The following PLEKHA6 variants were observed in gnomAD, a reference collection of about 807,000 sequenced individuals.
The protein encoded by PLEKHA6 is pleckstrin homology domain-containing family A member 6.
PLEKHA6 carries 60 observed loss-of-function variants against 116.7 expected under a neutral mutation model. The observed-to-expected ratio is 0.51, with a 90% CI of 0.42 to 0.64. PLEKHA6 has a LOEUF of 0.64. PLEKHA6 is among the 30% of genes least tolerant of loss of function. The pLI is 0.00. For synonymous variants in PLEKHA6, 489 were observed against 556.1 expected (o/e 0.88, Z 1.70); for missense variants, 1,338 against 1,422.7 (o/e 0.94, Z 0.96).
chr1:204,318,152 G>A (rs1287927241), intron 1 of PLEKHA6, among the ~76,000 whole-genome samples: 3 of 152,198 alleles, frequency 2.0e-5, no homozygotes, highest in Non-Finnish European at 2.9e-5. Flanking sequence ...AAGACAATCT[G>A]TTCTTGGAGT....
intron 16 of PLEKHA6, 60 bp from the exon 17 acceptor site, chr1:204,241,541 T>C (rs1662820758): frequency 1.4e-6 from 2 of 1,416,910 alleles, no homozygotes; most frequent in Non-Finnish European, 1.9e-6. Flanking sequence ...GGAAGCCTCC[T>C]TCTCAGAGAC....
rs1665842712 is a variant in PLEKHA6, at chr1:204,259,593, C to G, written c.672G>C (p.Glu224Asp). 3 of 1,614,006 alleles carry G rather than the reference C, an allele frequency of 1.9e-6. No individual in the cohort carries two copies. The South Asian group carries it at 3.3e-5, about 18-fold the overall frequency. Reference sequence around the variant, plus strand: ...GAGGCTCTTTCTTGACTTCTGGCCTCTCAGGCCTTCTCTCTGCCTTCTCAC... The same window carrying G: ...GAGGCTCTTTCTTGACTTCTGGCCTGTCAGGCCTTCTCTCTGCCTTCTCAC... Reference protein sequence around the residue: ...RGCEKAERRPERPEVKKEPPV... With the variant: ...RGCEKAERRPDRPEVKKEPPV... Residue 224 changes from glutamate to aspartate, a missense_variant, in exon 8 of 23, where the codon GAG (glutamate) becomes GAC (aspartate). Physicochemically the swap from Glu to Asp is conservative, Grantham distance 45. This residue lies in a region of PLEKHA6 where 1,136 missense variants were observed against 1,163.6 expected (regional missense o/e 0.98). Transcript: ENST00000272203. This position sits in a 1 kb window ranked among gnomAD's most constrained non-coding sequence, Gnocchi z 4.6.
At chr1:204,256,522 T>C (rs1260504715) in intron 9 of PLEKHA6, among the ~76,000 whole-genome samples, 2 of 152,188 alleles carry the variant, frequency 1.3e-5, no homozygotes, top group Non-Finnish European at 2.9e-5. Flanking sequence ...CCCCTTCTCC[T>C]GCATGCTGGA....
rs540281057 is a variant in PLEKHA6, at chr1:204,353,567, C to A, written c.-95+6127G>T. 3.3e-5 allele frequency among the ~76,000 whole-genome samples: 5 copies of A among 152,296 alleles called. No homozygotes were observed. In the South Asian group the frequency reaches 1.0e-3, roughly 32 times the overall value. On this transcript the variant is annotated intron_variant, in intron 1 of 22. Transcript: ENST00000272203. Reference sequence around the variant, plus strand: ...AAGCAGTGGCCAGGGCCACCGGGAGCATATGGAGAACTTTAAAGAGCTTTC... The same window carrying A: ...AAGCAGTGGCCAGGGCCACCGGGAGAATATGGAGAACTTTAAAGAGCTTTC...
Position 204,356,460 on chromosome 1 carries a change from G to A in PLEKHA6, c.-95+3234C>T, listed in dbSNP as rs150947160. Reference sequence around the variant, plus strand: ...CATGCACCTGTAGACCCAGCCACTTGGGAGGCTGAGGTAGGAGGATCGCTT... The same window carrying A: ...CATGCACCTGTAGACCCAGCCACTTAGGAGGCTGAGGTAGGAGGATCGCTT... On this transcript the variant is annotated intron_variant, in intron 1 of 22. Coordinates refer to ENST00000272203, the MANE Select transcript of PLEKHA6 (RefSeq NM_014935.5). Among the ~76,000 whole-genome samples, 195 of 152,190 alleles carry A rather than the reference G, an allele frequency of 1.3e-3. 2 individuals are homozygous for A. The highest frequency in any genetic ancestry group is 4.4e-3 in the African/African-American group (184 of 41,492).
rs894390115 is a variant in PLEKHA6 at position 204,261,584 on chromosome 1, A to G, written c.382-136T>C. ...TTCCCTGCACCTGGGGCTCTTCCCC[A>G]TGCGGAGCTCAGGAGCAAGGTGAAG... On this transcript the variant is annotated intron_variant, in intron 6 of 22. Coordinates refer to ENST00000272203, the MANE Select transcript of PLEKHA6 (RefSeq NM_014935.5). The surrounding 1 kb of genome is among the most constrained non-coding windows in gnomAD (Gnocchi z 4.0). The G allele has an allele frequency of 3.0e-6, 3 of 988,614 alleles. No homozygotes were observed. Among genetic ancestry groups the G allele is most frequent in the Admixed American group, 5.8e-5 (2 of 34,702 alleles). 61.2% of individuals were successfully genotyped at this position (988,614 alleles called of 1,614,324 possible). A position where few individuals can be genotyped will look rare whatever the true frequency, so the allele number is the denominator to read the frequency against.
At chr1:204,341,892 T>A (rs1672858919) in intron 1 of PLEKHA6, among the ~76,000 whole-genome samples, 1 of 152,204 alleles carries the variant, frequency 6.6e-6, no homozygotes, top group African/African-American at 2.4e-5. Context: ...TATATTTTTT[T>A]AAATGCATGA....
chr1:204,336,164 C>A (rs1188985118), intron 1 of PLEKHA6, among the ~76,000 whole-genome samples: 3 of 152,202 alleles, frequency 2.0e-5, no homozygotes, highest in African/African-American at 7.2e-5. Flanking sequence ...ACCAACCAAT[C>A]TTCCCTGTCC....
At chr1:204,293,144 T>A (rs1053285785) in intron 1 of PLEKHA6, among the ~76,000 whole-genome samples, 3 of 152,082 alleles carry the variant, frequency 2.0e-5, no homozygotes, top group Admixed American at 6.5e-5. Context: ...AGACTTTTTT[T>A]TTTTCTTTGA....
At chr1:204,224,646 G>A (rs7546241) in intron 21 of PLEKHA6, among the ~76,000 whole-genome samples, 75,721 of 151,974 alleles carry the variant, frequency 0.5, 19,182 homozygotes, top group African/African-American at 0.59. Flanking sequence ...GCCTATACAC[G>A]ATACAAAGTT....
chr1:204,351,405 G>C (rs1673277679), intron 1 of PLEKHA6, among the ~76,000 whole-genome samples: 1 of 152,146 alleles, frequency 6.6e-6, no homozygotes, highest in African/African-American at 2.4e-5. Context: ...CTCCAGGAAG[G>C]CTTCTCAGGC....
intron 2 of PLEKHA6, 159 bp downstream of exon 2, chr1:204,274,559 CCAGATGGGTCT>C: frequency 1.0e-6 from 1 of 980,844 alleles, no homozygotes; most frequent in Non-Finnish European, 1.2e-6. Context: ...GGGTGTCAAG[CCAGATGGGTCT>C]CAGATGCTTC....
intron 1 of PLEKHA6, among the ~76,000 whole-genome samples, chr1:204,314,391 G>A (rs35680983): frequency 6.6e-6 from 1 of 152,016 alleles, no homozygotes; most frequent in Non-Finnish European, 1.5e-5. Context: ...TTCTTCTTTA[G>A]AGACTGAAGT....
At chr1:204,290,480 A>G (rs1669631607) in intron 1 of PLEKHA6, among the ~76,000 whole-genome samples, 1 of 152,216 alleles carries the variant, frequency 6.6e-6, no homozygotes, top group African/African-American at 2.4e-5. Flanking sequence ...AAAACAAACA[A>G]ACAAACAACC....
intron 9 of PLEKHA6, chr1:204,251,582 C>G (rs901652032): frequency 1.6e-5 from 11 of 702,828 alleles, no homozygotes; most frequent in Non-Finnish European, 2.9e-5. Flanking sequence ...TGCGGTTCAC[C>G]ATACTGATGA....
Position 204,228,822 on chromosome 1 carries a change from T to A in PLEKHA6, c.2791A>T (p.Ile931Phe). The change falls in exon 20 of 23, where the codon ATT (isoleucine) becomes TTT (phenylalanine). Residue 931 changes from isoleucine (I) to phenylalanine (F), a missense_variant. Ile to Phe is a conservative substitution (Grantham distance 21, BLOSUM62 0). Coordinates refer to ENST00000272203, the MANE Select transcript of PLEKHA6 (RefSeq NM_014935.5). The surrounding 1 kb of genome is among the most constrained non-coding windows in gnomAD (Gnocchi z 4.0). ...AGGGGAGTGTCAGGCTCCAGGTCAA[T>A]GTACCGTTCAGGGATGAGGACTTTG... ...PDKVLIPERY[I>F]DLEPDTPLSP... The A allele has an allele frequency of 3.7e-6, 6 of 1,614,010 alleles. No individual in the cohort carries two copies. The highest frequency in any genetic ancestry group is 4.2e-6 in the Non-Finnish European group (5 of 1,179,938).
At chr1:204,352,923 T>C (rs1673324463) in intron 1 of PLEKHA6, among the ~76,000 whole-genome samples, 1 of 152,174 alleles carries the variant, frequency 6.6e-6, no homozygotes, top group Non-Finnish European at 1.5e-5. Context: ...AGGTGGAGAC[T>C]ACAGTGAGCT....
intron 14 of PLEKHA6, 139 bp from the exon 15 acceptor site, chr1:204,245,142 T>C (rs1571849103): frequency 3.4e-6 from 2 of 581,320 alleles, no homozygotes; most frequent in East Asian, 6.6e-5. Flanking sequence ...CAGGGCTACC[T>C]GGGCCTGCCA....
chr1:204,288,507 G>T (rs549932309), intron 1 of PLEKHA6, among the ~76,000 whole-genome samples: 1 of 152,312 alleles, frequency 6.6e-6, no homozygotes, highest in African/African-American at 2.4e-5. Flanking sequence ...ATATTTGCCT[G>T]GCGGGCCAAT....
Sources: gnomAD v4.1 joint callset for allele counts (sites outside exome capture counted in the v4.1 genomes callset) on GRCh38, gnomAD v4.1.1 for gene constraint, gnomAD v4.1.1 regional missense constraint, Gnocchi (gnomAD v3.1) non-coding constraint, MANE v1.5 for transcripts, NCBI Gene and HGNC (gene_info 2026-07-23, HGNC 2026-07-21) for gene names.